RGS7: variants seen among roughly 807,000 people sequenced by gnomAD.
RGS7 encodes the protein regulator of G-protein signaling 7.
In RGS7, 27 loss-of-function variants were observed where a neutral mutation model predicts 81.1. That is an observed-to-expected ratio of 0.33 (90% CI 0.25 to 0.46). The LOEUF (loss-of-function observed/expected upper bound fraction) is 0.46. RGS7 is among the 20% of genes least tolerant of loss of function. RGS7 has a pLI of 1.00. For synonymous variants in RGS7, 208 were observed against 207.7 expected (o/e 1.00, Z -0.01); for missense variants, 396 against 607.4 (o/e 0.65, Z 3.66).
intron 2 of RGS7, among the ~76,000 whole-genome samples, chr1:241,169,376 C>G (rs1200321150): frequency 8.9e-6 from 1 of 112,602 alleles, no homozygotes; most frequent in Non-Finnish European, 1.7e-5. Flanking sequence ...CAGAGTCTCA[C>G]TCTGTCTCCC....
chr1:240,835,400 C>A (rs1228749456), intron 9 of RGS7, among the ~76,000 whole-genome samples: 1 of 152,306 alleles, frequency 6.6e-6, no homozygotes, highest in Admixed American at 6.5e-5. Context: ...TACCACTACA[C>A]ACCTATTAGA....
At chr1:241,200,527 G>C (rs1283084901) in intron 2 of RGS7, among the ~76,000 whole-genome samples, 2 of 152,130 alleles carry the variant, frequency 1.3e-5, no homozygotes, top group Non-Finnish European at 2.9e-5. Flanking sequence ...GGATGCACTG[G>C]TTGACTTAAA....
chr1:241,235,909 TGA>T (rs1553294805), intron 2 of RGS7, among the ~76,000 whole-genome samples: 50 of 137,758 alleles, frequency 3.6e-4, no homozygotes, highest in East Asian at 1.0e-3. Flanking sequence ...AGATGCACTT[TGA>T]GAGAGAGAGA....
intron 2 of RGS7, among the ~76,000 whole-genome samples, chr1:241,203,516 C>CA (rs1269182498): frequency 6.6e-6 from 1 of 152,194 alleles, no homozygotes; most frequent in Non-Finnish European, 1.5e-5. Context: ...AGGTGTGAGC[C>CA]ACCGTGCCCG....
chr1:241,194,004 T>C (rs970265598), intron 2 of RGS7, among the ~76,000 whole-genome samples: 3 of 152,216 alleles, frequency 2.0e-5, no homozygotes, highest in Non-Finnish European at 4.4e-5. Context: ...AATTCCCTCA[T>C]CACCATTTAA....
At chr1:240,836,425 T>C (rs1038772497) in intron 9 of RGS7, among the ~76,000 whole-genome samples, 3 of 152,154 alleles carry the variant, frequency 2.0e-5, no homozygotes, top group African/African-American at 7.2e-5. Context: ...CTGCCAGCAC[T>C]AGAGATGATG....
At chr1:241,071,700 T>C (rs1163844384) in intron 3 of RGS7, among the ~76,000 whole-genome samples, 1 of 151,028 alleles carries the variant, frequency 6.6e-6, no homozygotes, top group Non-Finnish European at 1.5e-5. Context: ...AATTTTACTA[T>C]CTCTACAAAA....
At chr1:241,224,680 T>C (rs1422527777) in intron 2 of RGS7, among the ~76,000 whole-genome samples, 1 of 152,160 alleles carries the variant, frequency 6.6e-6, no homozygotes, top group Non-Finnish European at 1.5e-5. Context: ...TATCACGAAG[T>C]ACATATAGTG....
intron 2 of RGS7, among the ~76,000 whole-genome samples, chr1:241,274,840 C>A (rs1214605852): frequency 6.6e-6 from 1 of 152,138 alleles, no homozygotes; most frequent in Non-Finnish European, 1.5e-5. Flanking sequence ...TCATATCAGC[C>A]TGAGAAATTA....
At chr1:241,321,784 A>G (rs2081228796) in intron 2 of RGS7, among the ~76,000 whole-genome samples, 1 of 152,210 alleles carries the variant, frequency 6.6e-6, no homozygotes, top group African/African-American at 2.4e-5. Context: ...TTCTAAAAAC[A>G]TAGCTCAATC....
At chr1:240,842,619 G>GT (rs1459291317) in intron 9 of RGS7, among the ~76,000 whole-genome samples, 26 of 90,898 alleles carry the variant, frequency 2.9e-4, no homozygotes. Flanking sequence ...TTTTAAAAAG[G>GT]TAAGCATTTT....
chr1:241,048,941 T>C (rs1241688255), intron 3 of RGS7, among the ~76,000 whole-genome samples: 1 of 152,232 alleles, frequency 6.6e-6, no homozygotes, highest in African/African-American at 2.4e-5. Context: ...TGCTGACAAT[T>C]GTTGACACTC....
chr1:241,207,697 G>A (rs975030824), intron 2 of RGS7, among the ~76,000 whole-genome samples: 1 of 152,114 alleles, frequency 6.6e-6, no homozygotes, highest in African/African-American at 2.4e-5. Context: ...AAATGTTCAA[G>A]TAGAAGACAT....
chr1:241,165,392 CAAT>C (rs534128370), intron 2 of RGS7, among the ~76,000 whole-genome samples: 1,856 of 152,082 alleles, frequency 0.012, 37 homozygotes, highest in African/African-American at 0.042. Flanking sequence ...AAATGTCCAA[CAAT>C]GATAGACTGG....
chr1:241,072,527 G>A (rs1369827210), intron 3 of RGS7, among the ~76,000 whole-genome samples: 2 of 152,036 alleles, frequency 1.3e-5, no homozygotes, highest in Non-Finnish European at 2.9e-5. Context: ...ATACAGCTGC[G>A]GACCGTAAAA....
At chr1:241,179,768 AG>A (rs1422295610) in intron 2 of RGS7, among the ~76,000 whole-genome samples, 2 of 152,224 alleles carry the variant, frequency 1.3e-5, no homozygotes, top group Admixed American at 1.3e-4. Flanking sequence ...TTGACTTCCA[AG>A]AAATAGTTTA....
chr1:240,827,208 T>G, intron 9 of RGS7, 36 bp from the exon 10 acceptor site: 1 of 1,541,844 alleles, frequency 6.5e-7, no homozygotes, highest in Admixed American at 1.7e-5. Flanking sequence ...AATGAATCTT[T>G]GGGTGTGAAA....
intron 2 of RGS7, among the ~76,000 whole-genome samples, chr1:241,133,207 TAAGA>T (rs538785609): frequency 9.9e-5 from 15 of 151,988 alleles, no homozygotes; most frequent in South Asian, 4.1e-4. Context: ...AATGTAATCA[TAAGA>T]AATAAGAGAA....
intron 18 of RGS7, among the ~76,000 whole-genome samples, chr1:240,794,613 G>C (rs1004286547): frequency 2.6e-5 from 4 of 152,206 alleles, no homozygotes; most frequent in Admixed American, 6.5e-5. Flanking sequence ...TGTTCAGCCA[G>C]GAGGGACATG....
Sources: gnomAD v4.1 joint callset for allele counts (sites outside exome capture counted in the v4.1 genomes callset) on GRCh38, gnomAD v4.1.1 for gene constraint, MANE v1.5 for transcripts, NCBI Gene and HGNC (gene_info 2026-07-23, HGNC 2026-07-21) for gene names.